Variants in USP4 observed in about 807,000 individuals in gnomAD.
USP4 encodes the protein ubiquitin specific peptidase 4, also known as ubiquitin carboxyl-terminal hydrolase 4.
A neutral mutation model predicts 118.2 loss-of-function variants in USP4; 72 were observed. That is an observed-to-expected ratio of 0.61 (90% CI 0.50 to 0.74). The LOEUF (loss-of-function observed/expected upper bound fraction) is 0.74. Among genes scored for constraint, USP4 ranks in the 30% least tolerant of loss-of-function variants. USP4 has a pLI of 0.00. For synonymous variants in USP4, 415 were observed against 440.4 expected (o/e 0.94, Z 0.72); for missense variants, 1,037 against 1,185.7 (o/e 0.87, Z 1.84).
intron 15 of USP4, among the ~76,000 whole-genome samples, chr3:49,291,457 C>G (rs2047150122): frequency 6.6e-6 from 1 of 151,256 alleles, no homozygotes; most frequent in African/African-American, 2.4e-5. Context: ...CGCCTGTAAT[C>G]CCTGCTACTT....
At chr3:49,295,701 T>TGCGCGCGCGC (rs754642053) in intron 13 of USP4, among the ~76,000 whole-genome samples, 17 of 146,070 alleles carry the variant, frequency 1.2e-4, no homozygotes, top group African/African-American at 2.1e-4. Context: ...TATGCACGTG[T>TGCGCGCGCGC]GCGCGCGCGC....
rs771334187 is a variant in USP4 at position 49,339,960 on chromosome 3, G to A, written c.65C>T (p.Pro22Leu). The A allele has an allele frequency of 3.1e-6, 5 of 1,613,098 alleles. No individual in the cohort carries two copies. The highest frequency in any genetic ancestry group is 3.3e-5 in the Admixed American group (2 of 60,012). Residue 22 changes from proline to leucine, a missense_variant, in exon 1 of 22, where the codon CCC (proline) becomes CTC (leucine). Pro to Leu is a moderately conservative substitution (Grantham distance 98, BLOSUM62 -3). Transcript: ENST00000265560. The part of the protein sequence containing the change: ...DAETQKSELG[P>L]LMRTTLQRGA... ...GCGTTGGAGTGTGGTCCTCATTAAG[G>A]GTCCAAGCTCGGACTTCTGAGTCTC... is the stretch of plus-strand genomic sequence containing the variant.
chr3:49,314,895 A>G (rs2047419836), intron 6 of USP4, among the ~76,000 whole-genome samples: 1 of 152,102 alleles, frequency 6.6e-6, no homozygotes, highest in South Asian at 2.1e-4. Flanking sequence ...GCAAAAATCC[A>G]TACAAATCAT....
At chr3:49,325,156 A>G in intron 4 of USP4, 117 bp from the exon 5 acceptor site, 1 of 1,244,228 alleles carries the variant, frequency 8.0e-7, no homozygotes, top group Non-Finnish European at 1.1e-6. Flanking sequence ...CTCTGGATCA[A>G]CCCCCTGATA....
At chr3:49,311,466 G>A in intron 7 of USP4, 48 bp downstream of exon 7, 4 of 1,601,228 alleles carry the variant, frequency 2.5e-6, no homozygotes, top group Non-Finnish European at 2.6e-6. Flanking sequence ...GATACAGCCT[G>A]GGAAAGGACC....
intron 11 of USP4, among the ~76,000 whole-genome samples, chr3:49,299,396 C>CTTTT (rs759272476): frequency 7.9e-6 from 1 of 126,100 alleles, no homozygotes. Flanking sequence ...CCTGCCTCAA[C>CTTTT]TTTTTTTTTT....
intron 1 of USP4, among the ~76,000 whole-genome samples, chr3:49,337,115 T>C (rs900845651): frequency 1.8e-4 from 27 of 151,840 alleles, no homozygotes; most frequent in Non-Finnish European, 2.9e-4. Flanking sequence ...CCATCTCTAC[T>C]AAAATTACAA....
chr3:49,285,886 C>G (rs1035144046), intron 16 of USP4, among the ~76,000 whole-genome samples: 2 of 152,144 alleles, frequency 1.3e-5, no homozygotes, highest in Non-Finnish European at 2.9e-5. Flanking sequence ...CTACTTTCCT[C>G]TGAGGTCATC....
At chr3:49,334,482 C>T (rs563774543) in intron 2 of USP4, among the ~76,000 whole-genome samples, 1 of 152,134 alleles carries the variant, frequency 6.6e-6, no homozygotes, top group Non-Finnish European at 1.5e-5. Flanking sequence ...TTAGGCCAGG[C>T]ACAGTGGCTC....
intron 6 of USP4, chr3:49,317,201 T>C (rs1157459893): frequency 1.3e-6 from 2 of 1,495,662 alleles, no homozygotes; most frequent in South Asian, 1.1e-5. Flanking sequence ...TTGAGGTAGG[T>C]GGCCTCCGTC....
intron 20 of USP4, 105 bp downstream of exon 20, chr3:49,280,639 G>A (rs947768328): frequency 3.8e-5 from 31 of 805,570 alleles, no homozygotes; most frequent in Non-Finnish European, 5.7e-5. Flanking sequence ...TGAAGCCTGT[G>A]AAACTGCATA....
At chr3:49,297,222 C>A (rs1411981771) in intron 13 of USP4, among the ~76,000 whole-genome samples, 1 of 152,052 alleles carries the variant, frequency 6.6e-6, no homozygotes, top group Non-Finnish European at 1.5e-5. Context: ...GAGCAGCAGG[C>A]AAGTTCATGT....
At chr3:49,310,485 C>G (rs558293984) in intron 8 of USP4, 135 bp downstream of exon 8, 1 of 758,332 alleles carries the variant, frequency 1.3e-6, no homozygotes, top group Non-Finnish European at 2.3e-6. Flanking sequence ...GGGAGATGCC[C>G]TAGCAGAGAC....
chr3:49,295,490 A>C (rs1473170798), intron 13 of USP4, among the ~76,000 whole-genome samples: 1 of 152,046 alleles, frequency 6.6e-6, no homozygotes, highest in East Asian at 1.9e-4. Flanking sequence ...AAAACATCAG[A>C]GATAACCAAA....
chr3:49,312,845 G>A (rs2107789313), intron 6 of USP4: 1 of 150,674 alleles, frequency 6.6e-6, no homozygotes, highest in Non-Finnish European at 1.5e-5. Context: ...CAAGCATCCT[G>A]GTTTGATTTA....
chr3:49,311,801 G>T lies in USP4; in HGVS notation c.696-147C>A, dbSNP rs771233187. On this transcript the variant is annotated intron_variant, in intron 6 of 21. Coordinates refer to ENST00000265560, the MANE Select transcript of USP4 (RefSeq NM_003363.4). ...AAGCCTGTATTCATACTACTTCAAG[G>T]TAAACTTTATTTAAGTGAGAGTCCA... 2.3e-5 allele frequency: 32 copies of T among 1,366,796 alleles called. No individual in the cohort carries two copies. In the South Asian group the frequency reaches 3.5e-4, roughly 15 times the overall value. The allele number at this position is 1,366,796 out of a possible 1,614,324, so 84.7% of individuals were successfully genotyped here.
At chr3:49,302,808 A>G (rs2047275120) in intron 9 of USP4, among the ~76,000 whole-genome samples, 1 of 152,164 alleles carries the variant, frequency 6.6e-6, no homozygotes, top group Admixed American at 6.6e-5. Context: ...GAGTACCCTG[A>G]GTAACCACAC....
intron 6 of USP4, among the ~76,000 whole-genome samples, chr3:49,314,561 C>T (rs757072720): frequency 6.6e-6 from 1 of 152,120 alleles, no homozygotes; most frequent in Non-Finnish European, 1.5e-5. Context: ...AGTCTGCTGC[C>T]CAAGGCTGGT....
chr3:49,289,946 CAAAAAAGAAA>C (rs1197410918), intron 15 of USP4, among the ~76,000 whole-genome samples: 3 of 150,226 alleles, frequency 2.0e-5, no homozygotes, highest in African/African-American at 7.3e-5. Context: ...CTTGTCTCCA[CAAAAAAGAAA>C]AAAAAAGAAA....
Sources: gnomAD v4.1 joint callset for allele counts (sites outside exome capture counted in the v4.1 genomes callset) on GRCh38, gnomAD v4.1.1 for gene constraint, MANE v1.5 for transcripts, NCBI Gene and HGNC (gene_info 2026-07-23, HGNC 2026-07-21) for gene names.